Variants in NAE1 observed in about 807,000 individuals in gnomAD.
NAE1 encodes the protein NEDD8-activating enzyme E1 regulatory subunit.
NAE1 carries 59 observed loss-of-function variants against 88.0 expected under a neutral mutation model. That is an observed-to-expected ratio of 0.67 (90% confidence interval 0.54 to 0.83). NAE1 has a LOEUF of 0.83. NAE1 is among the 40% of genes least tolerant of loss of function. NAE1 has a pLI of 0.00. For missense variants in NAE1, 554 were observed against 632.8 expected, an observed-to-expected ratio of 0.88 and a Z score of 1.34; for synonymous variants, 186 against 208.9, an observed-to-expected ratio of 0.89 and a Z score of 0.95.
chr16:66,812,370 T>C (rs1473520846), intron 13 of NAE1, among the ~76,000 whole-genome samples: 1 of 152,196 alleles, frequency 6.6e-6, no homozygotes, highest in Non-Finnish European at 1.5e-5. Flanking sequence ...TTAATACATA[T>C]AGTTCATAGC....
At chr16:66,822,999 G>A (rs1428837615) in intron 6 of NAE1, among the ~76,000 whole-genome samples, 6 of 141,308 alleles carry the variant, frequency 4.2e-5, no homozygotes, top group Non-Finnish European at 6.1e-5. Context: ...AGGCACGTTG[G>A]CTCACACCTG....
At chr16:66,814,542 G>A (rs1262314847) in intron 11 of NAE1, among the ~76,000 whole-genome samples, 2 of 149,862 alleles carry the variant, frequency 1.3e-5, no homozygotes, top group African/African-American at 4.9e-5. Context: ...GCAGTGAGCA[G>A]TGATTGTGTC....
chr16:66,809,040 G>C lies in NAE1; in HGVS notation c.1186C>G (p.Arg396Gly). The change falls in exon 16 of 20, where the codon CGA becomes GGA. Residue 396 changes from arginine to glycine, a missense_variant. Physicochemically the swap from Arg to Gly is moderately radical, Grantham distance 125. Coordinates refer to ENST00000290810, the MANE Select transcript of NAE1 (RefSeq NM_003905.4). ...AAACCATATTCTTCAGCTAAGGATC[G>C]ACATCTTACCACTCGAAGAAATGCA... ...NSAFLRVVRCRSLAEEYGLDT... is the reference protein window; with the variant it reads ...NSAFLRVVRCGSLAEEYGLDT... The C allele has an allele frequency of 6.2e-7, 1 of 1,612,382 alleles. No homozygotes were observed. The highest frequency in any genetic ancestry group is 8.5e-7 in the Non-Finnish European group (1 of 1,179,016).
At chr16:66,829,722 G>A (rs777529556) in intron 1 of NAE1, among the ~76,000 whole-genome samples, 8 of 152,182 alleles carry the variant, frequency 5.3e-5, no homozygotes, top group Non-Finnish European at 1.2e-4. Flanking sequence ...GGTAGTGCAA[G>A]GAGAAAAGGC....
chr16:66,827,367 G>A (rs1157636836), intron 1 of NAE1: 1 of 152,522 alleles, frequency 6.6e-6, no homozygotes, highest in Non-Finnish European at 1.5e-5. Flanking sequence ...AGGAGATCGA[G>A]ACCATCGTGA....
intron 13 of NAE1, among the ~76,000 whole-genome samples, chr16:66,812,577 G>A (rs1443178292): frequency 1.3e-5 from 2 of 148,158 alleles, no homozygotes; most frequent in African/African-American, 5.0e-5. Flanking sequence ...GAGTGCAGTG[G>A]CACGATCTTG....
At chr16:66,805,500 T>C in intron 19 of NAE1, 1 of 342,494 alleles carries the variant, frequency 2.9e-6, no homozygotes, top group African/African-American at 2.1e-5. Flanking sequence ...TTAGCCAGGC[T>C]TACTGGCACA....
At chr16:66,824,604 T>A (rs1161857314) in intron 4 of NAE1, 31 of 273,826 alleles carry the variant, frequency 1.1e-4, no homozygotes, top group East Asian at 3.7e-4. Flanking sequence ...AAAAAAAAAA[T>A]TTGTTAACCA....
At chr16:66,823,810 C>T (rs538749204) in intron 4 of NAE1, among the ~76,000 whole-genome samples, 1 of 152,352 alleles carries the variant, frequency 6.6e-6, no homozygotes, top group South Asian at 2.1e-4. Context: ...TAGCTCACTG[C>T]AGCCTTGAAC....
chr16:66,824,253 T>C (rs1960373616), intron 4 of NAE1, among the ~76,000 whole-genome samples: 1 of 152,186 alleles, frequency 6.6e-6, no homozygotes, highest in Non-Finnish European at 1.5e-5. Flanking sequence ...GAGTGGTTAA[T>C]CACTAAGCTA....
At chr16:66,828,325 T>C (rs1326207871) in intron 1 of NAE1, among the ~76,000 whole-genome samples, 1 of 151,704 alleles carries the variant, frequency 6.6e-6, no homozygotes, top group Non-Finnish European at 1.5e-5. Context: ...ACCCCGTCTC[T>C]ACTAAAAATA....
chr16:66,818,964 C>G (rs1295363013), intron 7 of NAE1, among the ~76,000 whole-genome samples: 1 of 152,118 alleles, frequency 6.6e-6, no homozygotes, highest in African/African-American at 2.4e-5. Flanking sequence ...GTGCCCAGCT[C>G]AAAAGATAAA....
chr16:66,814,024 G>T (rs1344320782), intron 11 of NAE1, among the ~76,000 whole-genome samples, 178 bp from the exon 12 acceptor site: 1 of 152,186 alleles, frequency 6.6e-6, no homozygotes, highest in African/African-American at 2.4e-5. Flanking sequence ...GATGGGGAAA[G>T]AATGGAAGAA....
At chr16:66,825,213 C>T (rs944199943) in intron 3 of NAE1, among the ~76,000 whole-genome samples, 3 of 151,954 alleles carry the variant, frequency 2.0e-5, no homozygotes, top group Non-Finnish European at 4.4e-5. Context: ...TTTGGGAGGC[C>T]GAGGTGGGCG....
chr16:66,806,013 ATAGT>A lies in NAE1; in HGVS notation c.1340_1343del (p.Asn447IlefsTer7). ...ACTTTCCTATATCTTCTTCAACTTG[ATAGT>A]TAGATACTCCTAAAAATAAAAGTTA... is the stretch of plus-strand genomic sequence containing the variant. On this transcript the variant is annotated frameshift_variant, in exon 18 of 20. Transcript: ENST00000290810. LOFTEE classifies it high-confidence loss of function. 3.1e-6 allele frequency: 5 copies of A among 1,609,620 alleles called. No homozygotes were observed. Among genetic ancestry groups the A allele is most frequent in the African/African-American group, 1.3e-5 (1 of 74,888 alleles).
At chr16:66,807,425 A>G (rs1959608806) in intron 17 of NAE1, among the ~76,000 whole-genome samples, 1 of 152,104 alleles carries the variant, frequency 6.6e-6, no homozygotes, top group African/African-American at 2.4e-5. Context: ...GGATCACTTG[A>G]GGTCAGGAGT....
intron 7 of NAE1, among the ~76,000 whole-genome samples, chr16:66,820,125 AG>A (rs1175285396): frequency 6.6e-6 from 1 of 152,206 alleles, no homozygotes; most frequent in East Asian, 1.9e-4. Flanking sequence ...TATCCTGACA[AG>A]CACTCCCTAA....
chr16:66,813,557 G>T lies in NAE1; in HGVS notation c.1034+7C>A. Reference sequence around the variant, plus strand: ...TTCTATTACATAGTTTGAAAACAGTGACATACACGTTTTGCAGTTTTATAT... The same window carrying T: ...TTCTATTACATAGTTTGAAAACAGTTACATACACGTTTTGCAGTTTTATAT... On this transcript the variant is annotated splice_region_variant and intron_variant, in intron 13 of 19. Transcript: ENST00000290810. The T allele has an allele frequency of 6.2e-7, 1 of 1,605,490 alleles. No homozygotes were observed. The highest frequency in any genetic ancestry group is 8.5e-7 in the Non-Finnish European group (1 of 1,176,074).
At chr16:66,827,180 G>C (rs1184717394) in intron 1 of NAE1, among the ~76,000 whole-genome samples, 1 of 152,076 alleles carries the variant, frequency 6.6e-6, no homozygotes, top group Non-Finnish European at 1.5e-5. Context: ...CCAGGCTGGA[G>C]TGTAGTGGCA....
Sources: allele counts gnomAD v4.1 joint callset (sites outside exome capture counted in the v4.1 genomes callset), GRCh38; gene constraint gnomAD v4.1.1; transcripts MANE v1.5; gene names NCBI Gene and HGNC (gene_info 2026-07-23, HGNC 2026-07-21).